UGT1A7: variants seen among roughly 807,000 people sequenced by gnomAD.
UGT1A7 encodes the protein UDP glucuronosyltransferase family 1 member A7, also known as UDP-glucuronosyltransferase 1A7.
In UGT1A7, 33 loss-of-function variants were observed where a neutral mutation model predicts 45.6. The ratio of observed to expected loss-of-function variants is 0.72; its 90% CI spans 0.55 to 0.97. The LOEUF (loss-of-function observed/expected upper bound fraction) is 0.97. Ranked by LOEUF, UGT1A7 falls within the 50% of genes least tolerant of loss-of-function variation. The pLI, the probability that UGT1A7 is intolerant of heterozygous loss-of-function variation, is 0.00. For missense variants in UGT1A7, 684 were observed against 666.2 expected (o/e 1.03, Z -0.29); for synonymous variants, 274 against 250.6 (o/e 1.09, Z -0.88).
intron 1 of UGT1A7, among the ~76,000 whole-genome samples, chr2:233,718,542 G>C (rs2076661859): frequency 6.6e-6 from 1 of 152,234 alleles, no homozygotes. Flanking sequence ...GTTGGGAATT[G>C]AATGAGAAAG....
At chr2:233,693,145 G>A (rs1469805529) in intron 1 of UGT1A7, 3 of 1,614,086 alleles carry the variant, frequency 1.9e-6, no homozygotes, top group African/African-American at 2.7e-5. Flanking sequence ...ATATAGTTGA[G>A]GTTCTCAGTG....
At chr2:233,703,207 A>T (rs552243315) in intron 1 of UGT1A7, among the ~76,000 whole-genome samples, 19 of 152,246 alleles carry the variant, frequency 1.2e-4, no homozygotes, top group East Asian at 1.9e-4. Context: ...TGTCAATTTT[A>T]TCTAAGTTAT....
chr2:233,699,744 T>G (rs1237056581), intron 1 of UGT1A7, among the ~76,000 whole-genome samples: 1 of 152,214 alleles, frequency 6.6e-6, no homozygotes, highest in African/African-American at 2.4e-5. Flanking sequence ...CCCAGAAAAC[T>G]AGACCCCAGT....
chr2:233,759,778 A>G (rs2125976593), intron 1 of UGT1A7, among the ~76,000 whole-genome samples: 1 of 152,308 alleles, frequency 6.6e-6, no homozygotes, highest in South Asian at 2.1e-4. Flanking sequence ...TGTTGGACGA[A>G]GGAATGAAAC....
intron 1 of UGT1A7, chr2:233,692,854 T>C (rs571815189): frequency 2.0e-6 from 3 of 1,463,420 alleles, no homozygotes; most frequent in African/African-American, 2.8e-5. Context: ...TTAATTTGGG[T>C]TCTTACATAT....
intron 1 of UGT1A7, chr2:233,713,048 C>T (rs2076273385): frequency 6.2e-7 from 1 of 1,614,080 alleles, no homozygotes; most frequent in Admixed American, 1.7e-5. Flanking sequence ...TGCTGCTTCT[C>T]CTCAGTGTCC....
chr2:233,749,412 T>C lies in UGT1A7; in HGVS notation c.856-17622T>C, dbSNP rs1409999979. 3.9e-5 allele frequency among the ~76,000 whole-genome samples: 6 copies of C among 151,952 alleles called. No individual in the cohort carries two copies. The East Asian group carries it at 1.2e-3, about 29-fold the overall frequency. On this transcript the variant is annotated intron_variant, in intron 1 of 4. Transcript: ENST00000373426. ...TGTGAACATATTCTCTAGTGTTAACTACATTGCTCAAAACTTCACTGTCAT... is the reference window on the plus strand; with the variant it reads ...TGTGAACATATTCTCTAGTGTTAACCACATTGCTCAAAACTTCACTGTCAT...
At chr2:233,749,016 A>G (rs182702501) in intron 1 of UGT1A7, among the ~76,000 whole-genome samples, 47 of 151,794 alleles carry the variant, frequency 3.1e-4, no homozygotes, top group Non-Finnish European at 5.9e-4. Flanking sequence ...TCTTTAATCC[A>G]GAATATTTGG....
rs145652010 is a variant in UGT1A7 at position 233,744,794 on chromosome 2, G to C, written c.856-22240G>C. On this transcript the variant is annotated intron_variant, in intron 1 of 4. Coordinates refer to ENST00000373426, the MANE Select transcript of UGT1A7 (RefSeq NM_019077.3). ...CAAAATTCTCCTGAAAAATTCTTGG[G>C]GATCCCTAGGATTTCCTGGCTCATA... 2.6e-3 allele frequency among the ~76,000 whole-genome samples: 393 copies of C among 151,892 alleles called. 13 individuals are homozygous for C. The highest frequency in any genetic ancestry group is 8.3e-3 in the African/African-American group (341 of 41,188).
Position 233,689,914 on chromosome 2 carries a change from T to C in UGT1A7, c.855+7122T>C, listed in dbSNP as rs1281496187. The C allele has an allele frequency of 8.8e-6, 4 of 456,730 alleles. No individual in the cohort carries two copies. The Admixed American group carries it at 9.4e-5, about 11-fold the overall frequency. 28.3% of individuals were successfully genotyped at this position (456,730 alleles called of 1,614,324 possible). A position where few individuals can be genotyped will look rare whatever the true frequency, so the allele number is the denominator to read the frequency against. ...TATTTCTCAGGGCCAGGTAGGTGCC[T>C]GGAATTTCCTTCGAAAGAACCCAAG... On this transcript the variant is annotated intron_variant, in intron 1 of 4. Coordinates refer to ENST00000373426, the MANE Select transcript of UGT1A7 (RefSeq NM_019077.3).
At chr2:233,739,444 G>A (rs1292544084) in intron 1 of UGT1A7, among the ~76,000 whole-genome samples, 1 of 152,214 alleles carries the variant, frequency 6.6e-6, no homozygotes, top group African/African-American at 2.4e-5. Context: ...ACCCTGCAAA[G>A]CCACAGGGTT....
chr2:233,757,975 AG>A (rs1275184498), intron 1 of UGT1A7, among the ~76,000 whole-genome samples: 1 of 152,126 alleles, frequency 6.6e-6, no homozygotes, highest in Non-Finnish European at 1.5e-5. Flanking sequence ...CTCAGCCCCT[AG>A]AGCACCATCC....
intron 1 of UGT1A7, among the ~76,000 whole-genome samples, chr2:233,758,021 T>C (rs949274852): frequency 2.0e-5 from 3 of 152,156 alleles, no homozygotes; most frequent in African/African-American, 7.2e-5. Context: ...TGTCTCTGTC[T>C]ACCTGACCCC....
rs1297199305 is a variant in UGT1A7, at chr2:233,749,242, C to T, written c.856-17792C>T. 1.3e-5 allele frequency among the ~76,000 whole-genome samples: 2 copies of T among 151,678 alleles called. 1 individual carries two copies. Among genetic ancestry groups the T allele is most frequent in the Admixed American group, 1.3e-4 (2 of 15,250 alleles). ...TAAGCTTCATTTTTTAAAATCAAACCACATGATTTTTTTATTGGTGATTTT... is the reference window on the plus strand; with the variant it reads ...TAAGCTTCATTTTTTAAAATCAAACTACATGATTTTTTTATTGGTGATTTT... On this transcript the variant is annotated intron_variant, in intron 1 of 4. Transcript: ENST00000373426.
At chr2:233,749,947 C>T (rs1454449200) in intron 1 of UGT1A7, among the ~76,000 whole-genome samples, 4 of 151,812 alleles carry the variant, frequency 2.6e-5, no homozygotes, top group East Asian at 1.9e-4. Context: ...TATGAATTAC[C>T]GAGTCTTGGG....
chr2:233,768,579 C>G (rs1408640204), intron 4 of UGT1A7, 140 bp downstream of exon 4: 7 of 934,896 alleles, frequency 7.5e-6, no homozygotes, highest in Non-Finnish European at 8.5e-6. Flanking sequence ...ATTTTTATTT[C>G]TTCTTTTTTT....
chr2:233,760,970 C>T (rs767709240), intron 1 of UGT1A7: 2 of 1,614,170 alleles, frequency 1.2e-6, no homozygotes, highest in South Asian at 1.1e-5. Flanking sequence ...GTGGTTTATT[C>T]CCCGTATGCA....
chr2:233,740,407 A>T (rs1691384076), intron 1 of UGT1A7, among the ~76,000 whole-genome samples: 1 of 151,962 alleles, frequency 6.6e-6, no homozygotes, highest in South Asian at 2.1e-4. Context: ...AAAATGGGGA[A>T]GTCTCTCTAC....
intron 1 of UGT1A7, among the ~76,000 whole-genome samples, chr2:233,756,939 C>G (rs1402557459): frequency 1.3e-5 from 2 of 151,990 alleles, no homozygotes; most frequent in African/African-American, 4.8e-5. Flanking sequence ...GTTACATAAC[C>G]TGAAACCCGG....
Sources: gnomAD v4.1 joint callset for allele counts (sites outside exome capture counted in the v4.1 genomes callset) on GRCh38, gnomAD v4.1.1 for gene constraint, MANE v1.5 for transcripts, NCBI Gene and HGNC (gene_info 2026-07-23, HGNC 2026-07-21) for gene names.